FKTN: variants seen among roughly 807,000 people sequenced by gnomAD.
FKTN encodes the protein fukutin, also known as ribitol-5-phosphate transferase FKTN.
A neutral mutation model predicts 58.6 loss-of-function variants in FKTN; 47 were observed. The observed-to-expected ratio is 0.80, with a 90% CI of 0.63 to 1.02. The LOEUF is 1.02. Ranked by LOEUF, FKTN falls within the 50% of genes least tolerant of loss-of-function variation. The pLI is 0.00. For synonymous variants in FKTN, 178 were observed against 191.9 expected, an observed-to-expected ratio of 0.93 and a Z score of 0.60; for missense variants, 516 against 537.3, an observed-to-expected ratio of 0.96 and a Z score of 0.39.
At chr9:105,611,942 G>A (rs952057743) in intron 7 of FKTN, among the ~76,000 whole-genome samples, 2 of 152,084 alleles carry the variant, frequency 1.3e-5, no homozygotes, top group Admixed American at 1.3e-4. Context: ...TTCCACAATG[G>A]TTGAACTAAT....
chr9:105,580,617 A>T (rs1842709224), intron 3 of FKTN, among the ~76,000 whole-genome samples: 1 of 58,970 alleles, frequency 1.7e-5, no homozygotes, highest in Non-Finnish European at 3.3e-5. Context: ...CTTCATTTCA[A>T]CTTTGGTGAA....
In FKTN at chr9:105,635,138, A is replaced by G. The variant is rs1290782710; in HGVS notation, c.1260A>G (p.Glu420=). The change falls in exon 11 of 11, where the codon GAA becomes GAG. Residue 420 remains glutamate, a synonymous_variant. Coordinates refer to ENST00000357998, the MANE Select transcript of FKTN (RefSeq NM_001079802.2). ...CCTGTGAAACCCTCGAATACATTGA[A>G]GCCAACTATGGTAAGACCTGGAAGA... The part of the protein sequence containing the change: ...HVPCETLEYI[E]ANYGKTWKIP... The G allele has an allele frequency of 3.1e-6, 5 of 1,614,162 alleles. No homozygotes were observed. In the South Asian group the frequency reaches 5.5e-5, roughly 18 times the overall value.
intron 10 of FKTN, among the ~76,000 whole-genome samples, chr9:105,631,466 G>T (rs1361135759): frequency 6.6e-6 from 1 of 152,046 alleles, no homozygotes; most frequent in Non-Finnish European, 1.5e-5. Flanking sequence ...AAAAAGCCAG[G>T]TTCGGGAACA....
intron 3 of FKTN, among the ~76,000 whole-genome samples, chr9:105,587,242 T>C (rs1233801344): frequency 2.0e-5 from 3 of 152,138 alleles, no homozygotes; most frequent in Non-Finnish European, 2.9e-5. Flanking sequence ...ACTTATAGAA[T>C]TGGGTGCTGA....
At chr9:105,581,440 T>A (rs568716066) in intron 3 of FKTN, among the ~76,000 whole-genome samples, 1 of 149,692 alleles carries the variant, frequency 6.7e-6, no homozygotes, top group East Asian at 1.9e-4. Flanking sequence ...GAGGTGTCAG[T>A]GTGCCCCTGC....
At chr9:105,592,298 G>A (rs1466194657) in intron 3 of FKTN, among the ~76,000 whole-genome samples, 1 of 152,138 alleles carries the variant, frequency 6.6e-6, no homozygotes, top group Non-Finnish European at 1.5e-5. Flanking sequence ...TATGAGCATA[G>A]GTTGTTAGAA....
At position 105,635,969 on chromosome 9, in the gene FKTN, A is replaced by C. The variant is rs1051907344; in HGVS notation, c.*705A>C. ...GAAACTTTATGCTTGTTTAATGCTT[A>C]AATTTCCATCCATTGTGAGAATATT... On this transcript the variant is annotated 3_prime_UTR_variant, in exon 11 of 11. Transcript: ENST00000357998. 6.9e-5 allele frequency: 68 copies of C among 985,622 alleles called. No homozygotes were observed. The highest frequency in any genetic ancestry group is 8.1e-5 in the Non-Finnish European group (67 of 830,158). 61.1% of individuals were successfully genotyped at this position (985,622 alleles called of 1,614,324 possible). A position where few individuals can be genotyped will look rare whatever the true frequency, so the allele number is the denominator to read the frequency against.
intron 10 of FKTN, among the ~76,000 whole-genome samples, chr9:105,632,085 G>C (rs1338524801): frequency 1.3e-5 from 2 of 151,844 alleles, no homozygotes; most frequent in Non-Finnish European, 2.9e-5. Flanking sequence ...ATACTATGCA[G>C]CCATAAAAAA....
In FKTN at chr9:105,618,188, A is replaced by G. The variant is rs1831180141; in HGVS notation, c.1044+96A>G. On this transcript the variant is annotated intron_variant, in intron 9 of 10. Coordinates refer to ENST00000357998, the MANE Select transcript of FKTN (RefSeq NM_001079802.2). ...AGATATGGTTAAGAATGCTACATAC[A>G]TAATTTTATCACTCAGTATTGACTA... is the stretch of plus-strand genomic sequence containing the variant. The G allele has an allele frequency of 2.5e-5, 25 of 1,009,276 alleles. No individual in the cohort carries two copies. In the East Asian group the frequency reaches 5.6e-4, roughly 23 times the overall value. 62.5% of individuals were successfully genotyped at this position (1,009,276 alleles called of 1,614,324 possible).
chr9:105,566,287 A>G (rs1017052515), intron 1 of FKTN, among the ~76,000 whole-genome samples: 9 of 152,194 alleles, frequency 5.9e-5, no homozygotes, highest in African/African-American at 2.2e-4. Flanking sequence ...GAAGGCAAGA[A>G]ATAACTAAGA....
rs1382767292 is a variant in FKTN, at chr9:105,580,809, A to T, written c.105+5672A>T. 3.9e-4 allele frequency among the ~76,000 whole-genome samples: 14 copies of T among 35,986 alleles called. 1 individual carries two copies. Among genetic ancestry groups the T allele is most frequent in the African/African-American group, 1.7e-3 (11 of 6,602 alleles). 23.6% of individuals were successfully genotyped at this position (35,986 alleles called of 152,430 possible). A position where few individuals can be genotyped will look rare whatever the true frequency, so the allele number is the denominator to read the frequency against. ...CCCATCACTTTCAGGTACACCAATCAGACGTAGATTTGGTCTTTTCACATA... is the reference window on the plus strand; with the variant it reads ...CCCATCACTTTCAGGTACACCAATCTGACGTAGATTTGGTCTTTTCACATA... On this transcript the variant is annotated intron_variant, in intron 3 of 10. Transcript: ENST00000357998.
chr9:105,612,964 T>C (rs1169054043), intron 7 of FKTN, among the ~76,000 whole-genome samples: 2 of 150,554 alleles, frequency 1.3e-5, no homozygotes, highest in Non-Finnish European at 3.0e-5. Flanking sequence ...GGAGACTTTG[T>C]CTCCAAAAAA....
chr9:105,594,873 T>C (rs1393152998), intron 3 of FKTN, among the ~76,000 whole-genome samples: 1 of 152,218 alleles, frequency 6.6e-6, no homozygotes, highest in Non-Finnish European at 1.5e-5. Context: ...AGGAAAGTTG[T>C]CAGTGTATAC....
At chr9:105,611,091 C>T (rs776832053) in intron 7 of FKTN, among the ~76,000 whole-genome samples, 2 of 152,042 alleles carry the variant, frequency 1.3e-5, no homozygotes, top group Admixed American at 1.3e-4. Context: ...CTAATTTGCT[C>T]TAAGATTTTG....
rs377417974 is a variant in FKTN at position 105,607,937 on chromosome 9, C to G, written c.766C>G (p.Arg256Gly). ...RFIECRYKEA[R>G]AFFQQYLDDN... The stretch of plus-strand genomic sequence containing the variant: ...TATTGAGTGTAGGTATAAAGAAGCT[C>G]GAGCATTCTTTCAGGTTAGAGACAA... The change falls in exon 7 of 11, where the codon CGA (arginine) becomes GGA (glycine). Residue 256 changes from arginine to glycine, a missense_variant. Physicochemically the swap from Arg to Gly is moderately radical, Grantham distance 125 (BLOSUM62 -2). Coordinates refer to ENST00000357998, the MANE Select transcript of FKTN (RefSeq NM_001079802.2). 6.2e-7 allele frequency: 1 copy of G among 1,611,852 alleles called. No homozygotes were observed. The highest frequency in any genetic ancestry group is 8.5e-7 in the Non-Finnish European group (1 of 1,178,232).
Position 105,601,280 on chromosome 9 carries a change from T to C in FKTN, c.301T>C (p.Cys101Arg), listed in dbSNP as rs886044095. The change falls in exon 5 of 11, where the codon TGC becomes CGC. Residue 101 changes from cysteine to arginine, a missense_variant. By Grantham distance (180) the Cys-to-Arg change is radical. Transcript: ENST00000357998. ...TACTTCTCATGGCTCTACTTCACAA[T>C]GCAAGTTTTTCTGTGTTCCAAGAGA... ...KNTSHGSTSQ[C>R]KFFCVPRDFT... is the part of the protein sequence containing the mutation. The C allele has an allele frequency of 1.9e-6, 3 of 1,612,920 alleles. No individual in the cohort carries two copies. Among genetic ancestry groups the C allele is most frequent in the Non-Finnish European group, 2.5e-6 (3 of 1,179,570 alleles).
chr9:105,564,016 T>G (rs375357153), intron 1 of FKTN, among the ~76,000 whole-genome samples: 1 of 152,170 alleles, frequency 6.6e-6, no homozygotes, highest in East Asian at 1.9e-4. Flanking sequence ...TTCTGCAGCC[T>G]CTGCTGATAC....
At chr9:105,592,446 G>A (rs890067258) in intron 3 of FKTN, among the ~76,000 whole-genome samples, 1 of 151,990 alleles carries the variant, frequency 6.6e-6, no homozygotes, top group Non-Finnish European at 1.5e-5. Flanking sequence ...AGATCAGCCT[G>A]GCCAATATGG....
At chr9:105,609,209 T>C (rs1829456482) in intron 7 of FKTN, among the ~76,000 whole-genome samples, 1 of 152,182 alleles carries the variant, frequency 6.6e-6, no homozygotes, top group Admixed American at 6.5e-5. Context: ...CGCCAAACAG[T>C]CTTAAATGTA....
Sources: gnomAD v4.1 joint callset for allele counts (sites outside exome capture counted in the v4.1 genomes callset) on GRCh38, gnomAD v4.1.1 for gene constraint, MANE v1.5 for transcripts, NCBI Gene and HGNC (gene_info 2026-07-23, HGNC 2026-07-21) for gene names.